GRM7: variants seen among roughly 807,000 people sequenced by gnomAD.
The protein encoded by GRM7 is glutamate metabotropic receptor 7, also known as metabotropic glutamate receptor 7.
In GRM7, 35 loss-of-function variants were observed where a neutral mutation model predicts 84.5. That is an observed-to-expected ratio of 0.41 (90% CI 0.32 to 0.55). The LOEUF (loss-of-function observed/expected upper bound fraction) is 0.55, where lower values mean the gene tolerates loss of function less well. GRM7 is among the 20% of genes least tolerant of loss of function. The pLI is 0.19. For missense variants in GRM7, 1,003 were observed against 1,194.6 expected (o/e 0.84, Z 2.36); for synonymous variants, 487 against 455.1 (o/e 1.07, Z -0.89).
At chr3:6,962,519 A>G (rs1693341812) in intron 1 of GRM7, among the ~76,000 whole-genome samples, 1 of 152,220 alleles carries the variant, frequency 6.6e-6, no homozygotes, top group Admixed American at 6.5e-5. Flanking sequence ...ACATGAATAT[A>G]ATGAGATTTT....
intron 8 of GRM7, among the ~76,000 whole-genome samples, chr3:7,606,435 C>T (rs1031709653): frequency 2.0e-5 from 3 of 152,136 alleles, no homozygotes; most frequent in Non-Finnish European, 4.4e-5. Context: ...GTGATTTGGA[C>T]TGTTAAGATA....
At chr3:7,224,976 G>A (rs1696935633) in intron 2 of GRM7, among the ~76,000 whole-genome samples, 1 of 152,052 alleles carries the variant, frequency 6.6e-6, no homozygotes, top group African/African-American at 2.4e-5. Context: ...AGTAAGAATT[G>A]TTAATATTTT....
intron 7 of GRM7, among the ~76,000 whole-genome samples, chr3:7,489,831 A>T (rs1025656463): frequency 6.6e-5 from 10 of 151,980 alleles, no homozygotes; most frequent in Non-Finnish European, 1.5e-4. Flanking sequence ...TCAGGACAAA[A>T]TACAGGCAGC....
At chr3:6,951,196 G>A (rs928042286) in intron 1 of GRM7, among the ~76,000 whole-genome samples, 2 of 152,172 alleles carry the variant, frequency 1.3e-5, no homozygotes, top group Non-Finnish European at 2.9e-5. Context: ...CCCCCAGTCT[G>A]ACTAGAAGTT....
chr3:7,518,401 AC>A (rs1700470658), intron 7 of GRM7, among the ~76,000 whole-genome samples: 2 of 152,216 alleles, frequency 1.3e-5, no homozygotes, highest in South Asian at 4.1e-4. Context: ...GTCTGCCATG[AC>A]ACCTTATTTA....
chr3:7,281,850 G>A (rs1383650149), intron 2 of GRM7, among the ~76,000 whole-genome samples: 1 of 152,196 alleles, frequency 6.6e-6, no homozygotes, highest in Non-Finnish European at 1.5e-5. Flanking sequence ...GGAGGCCAAG[G>A]CGGAAGGATT....
chr3:7,413,021 T>C (rs1313995730), intron 4 of GRM7, among the ~76,000 whole-genome samples: 3 of 152,012 alleles, frequency 2.0e-5, no homozygotes, highest in Non-Finnish European at 4.4e-5. Context: ...ATTATATTAA[T>C]AGAGTTATTC....
chr3:7,157,768 TG>T (rs1437728990), intron 2 of GRM7, among the ~76,000 whole-genome samples: 4 of 151,930 alleles, frequency 2.6e-5, no homozygotes, highest in Admixed American at 1.3e-4. Flanking sequence ...TGTGGATTTT[TG>T]ATAATGGCAG....
At chr3:7,295,073 T>C (rs996985480) in intron 2 of GRM7, among the ~76,000 whole-genome samples, 1 of 152,238 alleles carries the variant, frequency 6.6e-6, no homozygotes, top group Non-Finnish European at 1.5e-5. Flanking sequence ...ATTCAAAAAC[T>C]CATTGCCAAA....
intron 4 of GRM7, among the ~76,000 whole-genome samples, chr3:7,311,532 T>G (rs890061905): frequency 8.5e-5 from 13 of 152,132 alleles, no homozygotes; most frequent in Non-Finnish European, 1.5e-4. Context: ...CCCAGGGCAT[T>G]TATCCTCCCT....
chr3:7,218,337 T>TG (rs1696683302), intron 2 of GRM7, among the ~76,000 whole-genome samples: 1 of 152,154 alleles, frequency 6.6e-6, no homozygotes, highest in Non-Finnish European at 1.5e-5. Context: ...TTGCCTTAAT[T>TG]TATAGTACCT....
intron 4 of GRM7, among the ~76,000 whole-genome samples, chr3:7,315,673 T>G (rs1700557563): frequency 6.6e-6 from 1 of 152,240 alleles, no homozygotes. Context: ...CATTGACCTC[T>G]GTTCTCAGGG....
intron 2 of GRM7, among the ~76,000 whole-genome samples, chr3:7,208,891 A>G (rs1293974838): frequency 6.6e-6 from 1 of 152,196 alleles, no homozygotes; most frequent in Non-Finnish European, 1.5e-5. Flanking sequence ...GAGTTCAGCA[A>G]GAGCATAGTT....
chr3:7,685,090 A>G (rs1700524463), intron 9 of GRM7, among the ~76,000 whole-genome samples: 1 of 152,226 alleles, frequency 6.6e-6, no homozygotes, highest in African/African-American at 2.4e-5. Flanking sequence ...TAGATGCCAG[A>G]TAAACAAGAT....
Position 6,861,598 on chromosome 3 carries a change from C to T in GRM7, c.210C>T (p.Ile70=), listed in dbSNP as rs1278711851. The T allele has an allele frequency of 6.2e-7, 1 of 1,611,028 alleles. No homozygotes were observed. Among genetic ancestry groups the T allele is most frequent in the Non-Finnish European group, 8.5e-7 (1 of 1,178,410 alleles). The part of the protein sequence containing the change: ...KGPSGVPCGD[I]KRENGIHRLE... ...CCAGCGGAGTGCCCTGCGGCGACAT[C>T]AAGAGGGAAAACGGGATCCACAGGC... The change falls in exon 1 of 10, where the codon ATC becomes ATT. Residue 70 remains isoleucine, a synonymous_variant. Coordinates refer to ENST00000357716, the MANE Select transcript of GRM7 (RefSeq NM_000844.4). This position sits in a 1 kb window ranked among gnomAD's most constrained non-coding sequence, Gnocchi z 6.4.
At chr3:7,531,700 G>T (rs532983208) in intron 7 of GRM7, among the ~76,000 whole-genome samples, 2 of 152,204 alleles carry the variant, frequency 1.3e-5, no homozygotes, top group South Asian at 4.1e-4. Context: ...AAGTCAATTT[G>T]GGGCTGAGAT....
At chr3:7,175,427 T>C (rs1215699530) in intron 2 of GRM7, among the ~76,000 whole-genome samples, 1 of 152,266 alleles carries the variant, frequency 6.6e-6, no homozygotes, top group Non-Finnish European at 1.5e-5. Flanking sequence ...GTTTAGAATG[T>C]GGAAGAGATT....
intron 4 of GRM7, among the ~76,000 whole-genome samples, chr3:7,401,781 G>T (rs1486294352): frequency 6.6e-6 from 1 of 151,990 alleles, no homozygotes; most frequent in Non-Finnish European, 1.5e-5. Flanking sequence ...AATTATATGT[G>T]TATGTCCTAC....
chr3:7,684,492 C>G (rs1700502260), intron 9 of GRM7, among the ~76,000 whole-genome samples: 1 of 152,194 alleles, frequency 6.6e-6, no homozygotes, highest in Non-Finnish European at 1.5e-5. Flanking sequence ...AACAGCTCTG[C>G]TCCATCACTG....
Sources: gnomAD v4.1 joint callset for allele counts (sites outside exome capture counted in the v4.1 genomes callset) on GRCh38, gnomAD v4.1.1 for gene constraint, Gnocchi (gnomAD v3.1) non-coding constraint, MANE v1.5 for transcripts, NCBI Gene and HGNC (gene_info 2026-07-23, HGNC 2026-07-21) for gene names.